The following ITCH variants were observed in gnomAD, a reference collection of about 807,000 sequenced individuals.
ITCH encodes itchy E3 ubiquitin protein ligase, also known as E3 ubiquitin-protein ligase Itchy homolog.
ITCH carries 28 observed loss-of-function variants against 126.8 expected under a neutral mutation model. The observed-to-expected ratio is 0.22, with a 90% CI of 0.16 to 0.30. The LOEUF is 0.30. ITCH is among the 10% of genes least tolerant of loss of function. ITCH has a pLI of 1.00. For missense variants in ITCH, 631 were observed against 1,032.4 expected (o/e 0.61, Z 5.33); for synonymous variants, 342 against 340.0 (o/e 1.01, Z -0.06).
chr20:34,438,247 A>G (rs747528199), intron 7 of ITCH, among the ~76,000 whole-genome samples: 6 of 152,196 alleles, frequency 3.9e-5, no homozygotes, highest in Non-Finnish European at 5.9e-5. Context: ...AAGTGTTCCT[A>G]TGCCCTTGGA....
At chr20:34,418,676 G>A (rs962142778) in intron 6 of ITCH, among the ~76,000 whole-genome samples, 2 of 150,602 alleles carry the variant, frequency 1.3e-5, no homozygotes, top group African/African-American at 2.5e-5. Flanking sequence ...TTGAACATAC[G>A]TCTATGTATG....
intron 23 of ITCH, among the ~76,000 whole-genome samples, chr20:34,499,439 G>T (rs1164139681): frequency 1.3e-5 from 2 of 151,610 alleles, no homozygotes; most frequent in Non-Finnish European, 2.9e-5. Flanking sequence ...TAGGTTGTAT[G>T]TGTCCAGGAA....
At position 34,509,756 on chromosome 20, in the gene ITCH, C is replaced by G. The variant is rs937733262; in HGVS notation, c.*1962C>G. 4 of 152,594 alleles carry G rather than the reference C, an allele frequency of 2.6e-5. No homozygotes were observed. The highest frequency in any genetic ancestry group is 4.4e-5 in the Non-Finnish European group (3 of 68,040). The allele number at this position is 152,594 out of a possible 1,614,324, so 9.5% of individuals were successfully genotyped here. A position where few individuals can be genotyped will look rare whatever the true frequency, so the allele number is the denominator to read the frequency against. ...AGCGAATGTCTGCCAACTACCCGTT[C>G]ATTATATAAGTCTGAACTTGGTAAT... On this transcript the variant is annotated 3_prime_UTR_variant, in exon 25 of 25. Coordinates refer to ENST00000374864, the MANE Select transcript of ITCH (RefSeq NM_031483.7).
chr20:34,492,567 T>C lies in ITCH; in HGVS notation c.2386T>C (p.Leu796=), dbSNP rs2146520063. 13 of 1,612,780 alleles carry C rather than the reference T, an allele frequency of 8.1e-6. No homozygotes were observed. Among genetic ancestry groups the C allele is most frequent in the Non-Finnish European group, 1.0e-5 (12 of 1,178,762 alleles). The stretch of plus-strand genomic sequence containing the variant: ...GCAGTTTGTTACTGGAACCTGCCGA[T>C]TGCCAGTAGGAGGATTTGCTGATCT... ...LLQFVTGTCR[L]PVGGFADLMG... Residue 796 remains leucine, a synonymous_variant, in exon 23 of 25, where the codon TTG becomes CTG. Transcript: ENST00000374864.
Position 34,442,230 on chromosome 20 carries a change from C to A in ITCH, c.892C>A (p.His298Asn), listed in dbSNP as rs1983848745. 1 of 1,613,868 alleles carries A rather than the reference C, an allele frequency of 6.2e-7. No individual in the cohort carries two copies. Among genetic ancestry groups the A allele is most frequent in the Middle Eastern group, 1.6e-4 (1 of 6,062 alleles). Residue 298 changes from histidine to asparagine, a missense_variant, in exon 10 of 25, where the codon CAC becomes AAC. By Grantham distance (68) the His-to-Asn change is moderately conservative. Transcript: ENST00000374864. ...PPGWEQRVDQ[H>N]GRVYYVDHVE... The stretch of plus-strand genomic sequence containing the variant: ...AAGTTGGGAGCAGAGAGTGGACCAG[C>A]ACGGGCGAGTTTACTATGTAGATCA...
chr20:34,379,906 C>CT (rs1403145772), intron 2 of ITCH, among the ~76,000 whole-genome samples: 2 of 24,144 alleles, frequency 8.3e-5, no homozygotes, highest in African/African-American at 1.1e-4. Flanking sequence ...CCCCCCCCCC[C>CT]TTTTTTTTTG....
At chr20:34,480,527 T>G (rs1988643447) in intron 18 of ITCH, 72 bp from the exon 19 acceptor site, 1 of 1,541,394 alleles carries the variant, frequency 6.5e-7, no homozygotes. Context: ...AAATGAAGAG[T>G]ACATCTAATA....
At chr20:34,446,020 T>C (rs945474408) in intron 11 of ITCH, among the ~76,000 whole-genome samples, 1 of 152,182 alleles carries the variant, frequency 6.6e-6, no homozygotes, top group African/African-American at 2.4e-5. Context: ...AAACAAATGG[T>C]TTAAATTTTA....
intron 23 of ITCH, among the ~76,000 whole-genome samples, chr20:34,497,882 T>C (rs1475811906): frequency 6.6e-6 from 1 of 152,252 alleles, no homozygotes; most frequent in Non-Finnish European, 1.5e-5. Context: ...CCAGCCGTCA[T>C]TGGTATTTCT....
chr20:34,463,493 C>T (rs1986734458), intron 14 of ITCH, among the ~76,000 whole-genome samples: 1 of 152,134 alleles, frequency 6.6e-6, no homozygotes, highest in African/African-American at 2.4e-5. Flanking sequence ...AATATTAATT[C>T]TGTATTTAAT....
intron 7 of ITCH, among the ~76,000 whole-genome samples, chr20:34,427,587 G>A (rs1981717331): frequency 6.6e-6 from 1 of 152,084 alleles, no homozygotes; most frequent in Non-Finnish European, 1.5e-5. Flanking sequence ...TACTCAGAGT[G>A]ATGACAGTTA....
chr20:34,416,626 T>G (rs1001463852), intron 6 of ITCH, among the ~76,000 whole-genome samples: 2 of 152,170 alleles, frequency 1.3e-5, no homozygotes, highest in Admixed American at 6.5e-5. Flanking sequence ...GACACATTTT[T>G]GGTTCTTTCT....
At chr20:34,425,824 A>C (rs1981440511) in intron 7 of ITCH, among the ~76,000 whole-genome samples, 1 of 152,240 alleles carries the variant, frequency 6.6e-6, no homozygotes, top group Non-Finnish European at 1.5e-5. Context: ...ATAAATACTA[A>C]GGGAAATCAG....
chr20:34,510,443 A>ATTTTTTTTTTTTTTTTT lies in ITCH; in HGVS notation c.*2660_*2676dup, dbSNP rs10598635. On this transcript the variant is annotated 3_prime_UTR_variant, in exon 25 of 25. Transcript: ENST00000374864. ...TTGTAAATGCTAATAAATCCTGTTA[A>ATTTTTTTTTTTTTTTTT]TTTTTTTTTTTTTTTTTTTTTTTTT... The ATTTTTTTTTTTTTTTTT allele has an allele frequency of 7.9e-5, 5 of 63,234 alleles. No individual in the cohort carries two copies. Among genetic ancestry groups the ATTTTTTTTTTTTTTTTT allele is most frequent in the South Asian group, 7.0e-4 (1 of 1,432 alleles). The allele number at this position is 63,234 out of a possible 1,614,324, so 3.9% of individuals were successfully genotyped here.
intron 23 of ITCH, among the ~76,000 whole-genome samples, chr20:34,504,009 T>G (rs536018555): frequency 6.6e-5 from 10 of 152,004 alleles, no homozygotes; most frequent in African/African-American, 2.4e-4. Context: ...GTCTCCTGAG[T>G]AGCTGGGATT....
chr20:34,480,941 TTTC>T, intron 19 of ITCH, 122 bp from the exon 20 acceptor site: 2 of 1,130,096 alleles, frequency 1.8e-6, no homozygotes, highest in East Asian at 2.6e-5. Context: ...CAGAATCTTA[TTTC>T]TTCTTATTTT....
intron 2 of ITCH, among the ~76,000 whole-genome samples, chr20:34,370,473 G>T (rs2037580430): frequency 6.6e-6 from 1 of 151,998 alleles, no homozygotes; most frequent in Non-Finnish European, 1.5e-5. Context: ...AAACCAGTCT[G>T]GTCAACATGG....
intron 9 of ITCH, among the ~76,000 whole-genome samples, chr20:34,440,975 A>G (rs1983676596): frequency 6.6e-6 from 1 of 152,078 alleles, no homozygotes; most frequent in Admixed American, 6.6e-5. Context: ...TTTTTTCATC[A>G]GAAGATCATT....
chr20:34,481,492 T>C (rs1988745462), intron 20 of ITCH, among the ~76,000 whole-genome samples: 1 of 152,170 alleles, frequency 6.6e-6, no homozygotes, highest in Admixed American at 6.5e-5. Context: ...TATGCAGATA[T>C]TTTCATGGGG....
Sources: gnomAD v4.1 joint callset for allele counts (sites outside exome capture counted in the v4.1 genomes callset) on GRCh38, gnomAD v4.1.1 for gene constraint, MANE v1.5 for transcripts, NCBI Gene and HGNC (gene_info 2026-07-23, HGNC 2026-07-21) for gene names.